The following MACROD2 variants were observed in gnomAD, a reference collection of about 807,000 sequenced individuals.
MACROD2 encodes the protein mono-ADP ribosylhydrolase 2, also known as ADP-ribose glycohydrolase MACROD2.
MACROD2 carries 36 observed loss-of-function variants against 70.4 expected under a neutral mutation model. The ratio of observed to expected loss-of-function variants is 0.51; its 90% CI spans 0.39 to 0.68. The LOEUF (loss-of-function observed/expected upper bound fraction) is 0.68. MACROD2 is among the 30% of genes least tolerant of loss of function. MACROD2 has a pLI of 0.00. For missense variants in MACROD2, 496 were observed against 538.4 expected, an observed-to-expected ratio of 0.92 and a Z score of 0.78; for synonymous variants, 172 against 178.8, an observed-to-expected ratio of 0.96 and a Z score of 0.30.
chr20:15,997,169 T>C (rs2066643642), intron 15 of MACROD2, among the ~76,000 whole-genome samples: 1 of 152,182 alleles, frequency 6.6e-6, no homozygotes, highest in Non-Finnish European at 1.5e-5. Context: ...TTTCTCAAGA[T>C]TGCTTTGACT....
intron 5 of MACROD2, among the ~76,000 whole-genome samples, chr20:15,035,876 C>T (rs1236987064): frequency 6.6e-6 from 1 of 152,104 alleles, no homozygotes; most frequent in African/African-American, 2.4e-5. Flanking sequence ...GCCAGCCCTG[C>T]TCCCCCTTTT....
chr20:14,458,758 G>GAA (rs1441076375), intron 3 of MACROD2, among the ~76,000 whole-genome samples: 2 of 152,074 alleles, frequency 1.3e-5, no homozygotes, highest in African/African-American at 4.8e-5. Flanking sequence ...TGAAAAACCT[G>GAA]AAATATACTG....
chr20:14,334,661 G>C (rs1354930503), intron 3 of MACROD2, among the ~76,000 whole-genome samples: 1 of 151,852 alleles, frequency 6.6e-6, no homozygotes, highest in Admixed American at 6.6e-5. Context: ...CAAAAGGTGG[G>C]GGGTGGGAGG....
chr20:14,135,429 A>G (rs540287653), intron 3 of MACROD2, among the ~76,000 whole-genome samples: 31 of 152,212 alleles, frequency 2.0e-4, no homozygotes, highest in Non-Finnish European at 4.4e-4. Flanking sequence ...GTGCTTTGGA[A>G]GATTCAGATA....
At chr20:14,989,478 C>A (rs1452162212) in intron 5 of MACROD2, among the ~76,000 whole-genome samples, 4 of 152,090 alleles carry the variant, frequency 2.6e-5, no homozygotes, top group Non-Finnish European at 5.9e-5. Flanking sequence ...AAGGGCAGTG[C>A]AGGCAGATTC....
intron 8 of MACROD2, among the ~76,000 whole-genome samples, chr20:15,512,944 A>G (rs1372042677): frequency 6.6e-6 from 1 of 152,180 alleles, no homozygotes; most frequent in Non-Finnish European, 1.5e-5. Flanking sequence ...GGTGGGCTTC[A>G]GCTAAGCACA....
At chr20:15,562,640 T>G (rs2048259626) in intron 8 of MACROD2, among the ~76,000 whole-genome samples, 1 of 152,218 alleles carries the variant, frequency 6.6e-6, no homozygotes, top group Admixed American at 6.5e-5. Context: ...AGCAGCAAAC[T>G]TTCTGAAGTC....
chr20:14,819,303 A>C (rs553575927), intron 5 of MACROD2, among the ~76,000 whole-genome samples: 35 of 151,578 alleles, frequency 2.3e-4, no homozygotes, highest in Admixed American at 2.6e-4. Flanking sequence ...AAAAACCCCC[A>C]AAAAATCACA....
At chr20:15,407,251 AG>A (rs1304213428) in intron 6 of MACROD2, among the ~76,000 whole-genome samples, 19 of 152,148 alleles carry the variant, frequency 1.2e-4, no homozygotes, top group Non-Finnish European at 1.9e-4. Context: ...AGAAATGCAG[AG>A]TTAGCCAGCT....
chr20:15,697,199 A>C (rs538832217), intron 8 of MACROD2, among the ~76,000 whole-genome samples: 15 of 151,970 alleles, frequency 9.9e-5, no homozygotes, highest in Non-Finnish European at 2.1e-4. Context: ...AGGGCTATGA[A>C]CTTTCCTCTT....
At chr20:15,148,553 G>T (rs1205461195) in intron 5 of MACROD2, among the ~76,000 whole-genome samples, 2 of 152,040 alleles carry the variant, frequency 1.3e-5, no homozygotes, top group Non-Finnish European at 2.9e-5. Flanking sequence ...CAAGAGCAGG[G>T]CATGTATGAG....
At chr20:14,210,188 CAAA>C (rs1407964532) in intron 3 of MACROD2, among the ~76,000 whole-genome samples, 1 of 152,150 alleles carries the variant, frequency 6.6e-6, no homozygotes, top group East Asian at 1.9e-4. Context: ...TCTAAGCTAA[CAAA>C]AACCATCCTT....
At chr20:14,494,893 A>T (rs1416648583) in intron 4 of MACROD2, among the ~76,000 whole-genome samples, 1 of 152,146 alleles carries the variant, frequency 6.6e-6, no homozygotes, top group Non-Finnish European at 1.5e-5. Context: ...AGAAAACATG[A>T]TTAAGTTAAA....
At chr20:15,847,316 A>G (rs1041671165) in intron 8 of MACROD2, among the ~76,000 whole-genome samples, 2 of 152,202 alleles carry the variant, frequency 1.3e-5, no homozygotes, top group African/African-American at 2.4e-5. Flanking sequence ...TATCTCTCTA[A>G]GCAATTGAGT....
At chr20:15,110,855 A>G (rs2075948797) in intron 5 of MACROD2, among the ~76,000 whole-genome samples, 1 of 152,082 alleles carries the variant, frequency 6.6e-6, no homozygotes, top group Admixed American at 6.6e-5. Context: ...TGCCACCAAT[A>G]CTCAAACTCC....
At chr20:15,718,199 G>A (rs1404916559) in intron 8 of MACROD2, among the ~76,000 whole-genome samples, 1 of 151,626 alleles carries the variant, frequency 6.6e-6, no homozygotes, top group Non-Finnish European at 1.5e-5. Context: ...ATGTTGGCCA[G>A]GCTGGTCTTG....
chr20:15,080,621 A>T (rs2075696114), intron 5 of MACROD2, among the ~76,000 whole-genome samples: 1 of 151,820 alleles, frequency 6.6e-6, no homozygotes, highest in Non-Finnish European at 1.5e-5. Context: ...GGTCTGTTCC[A>T]CTTTATGGTT....
chr20:15,172,654 C>T (rs1041095644), intron 5 of MACROD2, among the ~76,000 whole-genome samples: 2 of 152,194 alleles, frequency 1.3e-5, no homozygotes, highest in Admixed American at 6.5e-5. Flanking sequence ...AAGCCATCCT[C>T]TAGACTTGGC....
At chr20:14,595,152 TG>T (rs1225089879) in intron 4 of MACROD2, among the ~76,000 whole-genome samples, 2 of 152,160 alleles carry the variant, frequency 1.3e-5, no homozygotes, top group East Asian at 3.8e-4. Flanking sequence ...ATTGCACAGT[TG>T]TCTTCATTTT....
Sources: gnomAD v4.1 joint callset for allele counts (sites outside exome capture counted in the v4.1 genomes callset) on GRCh38, gnomAD v4.1.1 for gene constraint, MANE v1.5 for transcripts, NCBI Gene and HGNC (gene_info 2026-07-23, HGNC 2026-07-21) for gene names.